The following PLXDC2 variants were observed in gnomAD, a reference collection of about 807,000 sequenced individuals.
The protein encoded by PLXDC2 is plexin domain-containing protein 2.
Under a neutral mutation model 68.9 loss-of-function variants are expected in PLXDC2, and 40 were observed. That is an observed-to-expected ratio of 0.58 (90% confidence interval 0.45 to 0.76). The LOEUF is 0.76. Ranked by LOEUF, PLXDC2 falls within the 30% of genes least tolerant of loss-of-function variation. The pLI, the probability that PLXDC2 is intolerant of heterozygous loss-of-function variation, is 0.00. For missense variants in PLXDC2, 644 were observed against 661.9 expected (o/e 0.97, Z 0.30); for synonymous variants, 243 against 234.2 (o/e 1.04, Z -0.34).
intron 13 of PLXDC2, among the ~76,000 whole-genome samples, chr10:20,252,399 A>G (rs1484002510): frequency 6.6e-6 from 1 of 152,212 alleles, no homozygotes; most frequent in Non-Finnish European, 1.5e-5. Context: ...AATAAATTTT[A>G]TTACAATTAA....
At chr10:20,163,213 T>C (rs1834329664) in intron 6 of PLXDC2, among the ~76,000 whole-genome samples, 1 of 152,154 alleles carries the variant, frequency 6.6e-6, no homozygotes, top group Admixed American at 6.5e-5. Flanking sequence ...CACTTTAACG[T>C]TGTTTAAGAG....
chr10:20,183,672 C>T (rs1834639401), intron 9 of PLXDC2, among the ~76,000 whole-genome samples: 1 of 151,952 alleles, frequency 6.6e-6, no homozygotes, highest in African/African-American at 2.4e-5. Context: ...ATACCCAACA[C>T]AGTGTCTGGA....
At chr10:19,828,828 C>A (rs1191748759) in intron 1 of PLXDC2, among the ~76,000 whole-genome samples, 1 of 152,090 alleles carries the variant, frequency 6.6e-6, no homozygotes, top group Non-Finnish European at 1.5e-5. Context: ...GCCCCCAGTT[C>A]TATTGTTCTG....
chr10:19,985,916 G>A (rs561096939), intron 1 of PLXDC2, among the ~76,000 whole-genome samples: 2 of 152,180 alleles, frequency 1.3e-5, no homozygotes, highest in African/African-American at 2.4e-5. Context: ...TTCCCTCCTT[G>A]TGTCAGACCA....
intron 6 of PLXDC2, among the ~76,000 whole-genome samples, chr10:20,160,862 A>G (rs564966961): frequency 6.6e-5 from 10 of 152,242 alleles, no homozygotes; most frequent in Admixed American, 6.5e-4. Flanking sequence ...GATGGTGTGC[A>G]CCTGTAGTCC....
rs1410309356 is a variant in PLXDC2 at position 19,890,541 on chromosome 10, G to GT, written c.112+73350_112+73351insT. On this transcript the variant is annotated intron_variant, in intron 1 of 13. Transcript: ENST00000377252. ...AACTGCTTTTTTTTTTCTGAGACGGGGTTTTTTTTTTTTTGAGCAGAGACA... is the reference window on the plus strand; with the variant it reads ...AACTGCTTTTTTTTTTCTGAGACGGGTGTTTTTTTTTTTTTGAGCAGAGACA... 7.0e-5 allele frequency among the ~76,000 whole-genome samples: 9 copies of GT among 128,480 alleles called. No homozygotes were observed. The East Asian group carries it at 1.1e-3, about 16-fold the overall frequency. The allele number at this position is 128,480 out of a possible 152,430, so 84.3% of individuals were successfully genotyped here. A position where few individuals can be genotyped will look rare whatever the true frequency, so the allele number is the denominator to read the frequency against.
At chr10:20,166,541 C>A (rs1162200702) in intron 7 of PLXDC2, among the ~76,000 whole-genome samples, 3 of 152,046 alleles carry the variant, frequency 2.0e-5, no homozygotes, top group Non-Finnish European at 4.4e-5. Flanking sequence ...TTCTTTCTTT[C>A]AGAGTTGTTA....
intron 12 of PLXDC2, among the ~76,000 whole-genome samples, chr10:20,237,117 C>T (rs910573936): frequency 6.6e-6 from 1 of 151,916 alleles, no homozygotes; most frequent in African/African-American, 2.4e-5. Flanking sequence ...AAAAGGAAAG[C>T]TGCCCTTGCC....
intron 2 of PLXDC2, among the ~76,000 whole-genome samples, chr10:20,018,146 T>A (rs1180006222): frequency 6.6e-6 from 1 of 152,196 alleles, no homozygotes; most frequent in Non-Finnish European, 1.5e-5. Context: ...TACAGGGCCA[T>A]CTCTCCAGTG....
intron 1 of PLXDC2, among the ~76,000 whole-genome samples, chr10:19,993,187 C>T (rs548276795): frequency 2.7e-4 from 41 of 152,174 alleles, no homozygotes; most frequent in African/African-American, 8.7e-4. Flanking sequence ...ATCATTAATA[C>T]AGTTTTATTC....
intron 5 of PLXDC2, among the ~76,000 whole-genome samples, chr10:20,146,377 C>T (rs986022949): frequency 6.6e-6 from 1 of 150,992 alleles, no homozygotes; most frequent in Non-Finnish European, 1.5e-5. Flanking sequence ...TCCTTCCTCC[C>T]TCCCTCCTTT....
chr10:20,251,458 A>G (rs371389853), intron 13 of PLXDC2, among the ~76,000 whole-genome samples: 1 of 152,278 alleles, frequency 6.6e-6, no homozygotes, highest in East Asian at 1.9e-4. Flanking sequence ...TGGAAGGGTC[A>G]ATATATCTAG....
chr10:20,044,960 C>G (rs1414064647), intron 2 of PLXDC2, among the ~76,000 whole-genome samples: 1 of 152,126 alleles, frequency 6.6e-6, no homozygotes, highest in African/African-American at 2.4e-5. Context: ...GTTTTACCCT[C>G]AGACAACCCA....
At chr10:20,016,339 T>G (rs1355723289) in intron 2 of PLXDC2, among the ~76,000 whole-genome samples, 3 of 152,234 alleles carry the variant, frequency 2.0e-5, no homozygotes, top group African/African-American at 7.2e-5. Context: ...GACTCATTTG[T>G]GGTTTGGACT....
At chr10:20,093,975 C>G (rs1287057031) in intron 4 of PLXDC2, among the ~76,000 whole-genome samples, 1 of 152,184 alleles carries the variant, frequency 6.6e-6, no homozygotes, top group Non-Finnish European at 1.5e-5. Context: ...GCCTGGCCAA[C>G]TATCTTTTAA....
chr10:19,875,168 G>A (rs376135009), intron 1 of PLXDC2, among the ~76,000 whole-genome samples: 11 of 152,154 alleles, frequency 7.2e-5, no homozygotes, highest in African/African-American at 2.4e-4. Context: ...CTTAGGATCC[G>A]ATGTAGGAAG....
At chr10:20,190,692 G>T (rs1014729652) in intron 9 of PLXDC2, among the ~76,000 whole-genome samples, 2 of 151,646 alleles carry the variant, frequency 1.3e-5, no homozygotes, top group Non-Finnish European at 2.9e-5. Context: ...GATGGTAAAT[G>T]AGAACATTTT....
At position 20,245,385 on chromosome 10, in the gene PLXDC2, C is replaced by A; in HGVS notation, c.1353C>A (p.Thr451=). 6 of 1,613,826 alleles carry A rather than the reference C, an allele frequency of 3.7e-6. No homozygotes were observed. The highest frequency in any genetic ancestry group is 5.1e-6 in the Non-Finnish European group (6 of 1,179,850). Residue 451 remains threonine, a synonymous_variant, in exon 13 of 14, where the codon ACC becomes ACA. Coordinates refer to ENST00000377252, the MANE Select transcript of PLXDC2 (RefSeq NM_032812.9). The part of the protein sequence containing the change: ...DDSAAEKKGG[T]LHAGLIIGIL... ...GTGCAGCTGAGAAGAAAGGGGGAAC[C>A]CTCCACGCTGGCCTCATCATTGGAA...
At chr10:20,124,222 G>A (rs887310454) in intron 4 of PLXDC2, among the ~76,000 whole-genome samples, 11 of 152,124 alleles carry the variant, frequency 7.2e-5, no homozygotes, top group Admixed American at 3.3e-4. Flanking sequence ...GTCCTTGACC[G>A]GTGCCAGAGT....
Sources: gnomAD v4.1 joint callset for allele counts (sites outside exome capture counted in the v4.1 genomes callset) on GRCh38, gnomAD v4.1.1 for gene constraint, MANE v1.5 for transcripts, NCBI Gene and HGNC (gene_info 2026-07-23, HGNC 2026-07-21) for gene names.